TANC2: variants seen among roughly 807,000 people sequenced by gnomAD.
TANC2 encodes the protein tetratricopeptide repeat, ankyrin repeat and coiled-coil containing 2, also known as protein TANC2.
A neutral mutation model predicts 210.5 loss-of-function variants in TANC2; 26 were observed. The observed-to-expected ratio is 0.12, with a 90% CI of 0.09 to 0.17. The LOEUF is 0.17. TANC2 is among the 10% of genes least tolerant of loss of function. TANC2 has a pLI of 1.00. For synonymous variants in TANC2, 931 were observed against 967.1 expected (o/e 0.96, Z 0.69); for missense variants, 2,129 against 2,608.9 (o/e 0.82, Z 4.01).
At chr17:62,978,986 A>G (rs1177546782) in intron 1 of TANC2, 1 of 152,174 alleles carries the variant, frequency 6.6e-6, no homozygotes, top group Non-Finnish European at 1.5e-5. Flanking sequence ...CCTAATCCTT[A>G]CTTGAATGAA....
chr17:63,076,069 T>G (rs2036561701), intron 3 of TANC2, among the ~76,000 whole-genome samples: 1 of 152,068 alleles, frequency 6.6e-6, no homozygotes, highest in African/African-American at 2.4e-5. Flanking sequence ...CTCAAAAAGC[T>G]TGAGAATGGC....
chr17:63,168,253 G>A (rs529793468), intron 5 of TANC2, among the ~76,000 whole-genome samples: 14 of 152,286 alleles, frequency 9.2e-5, no homozygotes, highest in African/African-American at 3.4e-4. Flanking sequence ...GAGGTAGAGG[G>A]GATGAGGAAG....
At chr17:62,995,688 C>T (rs1368812223) in intron 1 of TANC2, among the ~76,000 whole-genome samples, 1 of 152,208 alleles carries the variant, frequency 6.6e-6, no homozygotes. Flanking sequence ...TTCCCTTTCT[C>T]AAGACTTCTT....
chr17:63,374,329 TG>T (rs2047363279), intron 14 of TANC2, among the ~76,000 whole-genome samples: 1 of 152,168 alleles, frequency 6.6e-6, no homozygotes, highest in African/African-American at 2.4e-5. Context: ...TGAGCCATCA[TG>T]CCTGGGTATT....
intron 5 of TANC2, chr17:63,154,829 A>G (rs2039779337): frequency 1.3e-5 from 2 of 152,052 alleles, no homozygotes; most frequent in Non-Finnish European, 2.9e-5. Context: ...ATGGTCTGGA[A>G]CATGTCACTT....
intron 8 of TANC2, among the ~76,000 whole-genome samples, chr17:63,245,860 A>T (rs2042903513): frequency 6.7e-6 from 1 of 149,968 alleles, no homozygotes; most frequent in African/African-American, 2.5e-5. Context: ...AAAAAAAAAA[A>T]TTACCTGTGC....
intron 4 of TANC2, among the ~76,000 whole-genome samples, chr17:63,147,924 A>G (rs2039518476): frequency 6.6e-6 from 1 of 152,240 alleles, no homozygotes; most frequent in African/African-American, 2.4e-5. Flanking sequence ...CTTCCAAATC[A>G]TGCTGAATCT....
intron 8 of TANC2, among the ~76,000 whole-genome samples, chr17:63,244,631 G>A (rs951597626): frequency 1.4e-4 from 21 of 152,136 alleles, no homozygotes; most frequent in African/African-American, 4.8e-4. Flanking sequence ...TTTGTGGATG[G>A]TCTGCCACTG....
In TANC2 at chr17:63,386,429, A is replaced by G. The variant is rs1006356080; in HGVS notation, c.2692-2206A>G. On this transcript the variant is annotated intron_variant, in intron 15 of 27. Transcript: ENST00000689528. ...ATAATTAAATATTAACTGATAAAAT[A>G]TCTGGGATTTTTCAAAATAATCCCA... 9.8e-5 allele frequency among the ~76,000 whole-genome samples: 15 copies of G among 152,316 alleles called. No individual in the cohort carries two copies. The East Asian group carries it at 2.9e-3, about 29-fold the overall frequency.
rs963503730 is a variant in TANC2, at chr17:63,418,104, G to C, written c.4168-203G>C. ...ATTCTGGGCAGATAAAGTCCAGTGA[G>C]CAGTCGCAGCGCTACACAGGACAAA... is the stretch of plus-strand genomic sequence containing the variant. On this transcript the variant is annotated intron_variant, in intron 26 of 27. Coordinates refer to ENST00000689528, the Ensembl canonical transcript of TANC2. This position sits in a 1 kb window ranked among gnomAD's most constrained non-coding sequence, Gnocchi z 4.6. Among the ~76,000 whole-genome samples, 1 of 152,238 alleles carries C rather than the reference G, an allele frequency of 6.6e-6. No homozygotes were observed. Among genetic ancestry groups the C allele is most frequent in the African/African-American group, 2.4e-5 (1 of 41,462 alleles).
chr17:63,166,037 A>T (rs1440979569), intron 5 of TANC2, among the ~76,000 whole-genome samples: 1 of 152,232 alleles, frequency 6.6e-6, no homozygotes, highest in African/African-American at 2.4e-5. Flanking sequence ...ATGTGCATGT[A>T]GTACCCCTTG....
At chr17:63,278,848 C>T (rs1291173684) in intron 9 of TANC2, among the ~76,000 whole-genome samples, 4 of 151,976 alleles carry the variant, frequency 2.6e-5, no homozygotes, top group African/African-American at 7.3e-5. Context: ...AAGCCAGTCA[C>T]AAAAGGACAA....
chr17:63,084,669 T>C (rs1170422362), intron 3 of TANC2, among the ~76,000 whole-genome samples: 2 of 152,110 alleles, frequency 1.3e-5, no homozygotes, highest in African/African-American at 4.8e-5. Context: ...CCCGCAGATT[T>C]TGAAAAGTTG....
chr17:63,144,126 C>T (rs1443458326), intron 4 of TANC2, among the ~76,000 whole-genome samples: 6 of 152,104 alleles, frequency 3.9e-5, no homozygotes, highest in Non-Finnish European at 1.5e-5. Context: ...ATATTGAGAC[C>T]ATATGCTACG....
chr17:63,040,295 G>A (rs1351235922), intron 2 of TANC2, among the ~76,000 whole-genome samples: 3 of 152,162 alleles, frequency 2.0e-5, no homozygotes, highest in Non-Finnish European at 2.9e-5. Context: ...ACATTTCTCT[G>A]TCCTTGGTTT....
intron 5 of TANC2, among the ~76,000 whole-genome samples, chr17:63,171,086 T>C (rs1475110523): frequency 8.5e-5 from 12 of 141,256 alleles, no homozygotes; most frequent in African/African-American, 2.4e-4. Context: ...TCTTTCTTTT[T>C]TTTTTTTTTT....
chr17:63,175,508 C>T (rs952715263), intron 5 of TANC2, among the ~76,000 whole-genome samples: 2 of 133,008 alleles, frequency 1.5e-5, no homozygotes, highest in Admixed American at 8.9e-5. Context: ...ACCTGGGCGA[C>T]GGAGTGAGAC....
At chr17:63,424,762 C>T (rs1440823584) in exon 28 of TANC2, 2 of 152,056 alleles carry the variant, frequency 1.3e-5, no homozygotes, top group East Asian at 3.8e-4. Flanking sequence ...TGAGTAATGT[C>T]TTCATTAGAA....
intron 1 of TANC2, chr17:63,004,939 C>G (rs1225810933): frequency 4.4e-6 from 1 of 227,252 alleles, no homozygotes; most frequent in African/African-American, 2.3e-5. Context: ...AGTATCTATC[C>G]CCTTCAATCC....
Sources: allele counts gnomAD v4.1 joint callset (sites outside exome capture counted in the v4.1 genomes callset), GRCh38; gene constraint gnomAD v4.1.1; non-coding constraint Gnocchi (gnomAD v3.1); transcripts MANE v1.5; gene names NCBI Gene and HGNC (gene_info 2026-07-23, HGNC 2026-07-21).